GSAP: variants seen among roughly 807,000 people sequenced by gnomAD.
GSAP encodes gamma-secretase activating protein.
In GSAP, 118 loss-of-function variants were observed where a neutral mutation model predicts 131.7. The ratio of observed to expected loss-of-function variants is 0.90; its 90% CI spans 0.77 to 1.04. GSAP has a LOEUF of 1.04. GSAP is among the 50% of genes least tolerant of loss of function. The probability of loss-of-function intolerance (pLI) is 0.00; values close to 1 mark genes in which losing one functional copy is unlikely to be tolerated. For synonymous variants in GSAP, 381 were observed against 363.4 expected (o/e 1.05, Z -0.55); for missense variants, 1,019 against 1,013.2 (o/e 1.01, Z -0.08).
intron 2 of GSAP, among the ~76,000 whole-genome samples, chr7:77,405,361 T>A (rs1802082868): frequency 6.6e-6 from 1 of 152,230 alleles, no homozygotes; most frequent in South Asian, 2.1e-4. Flanking sequence ...AAGAGAGTAA[T>A]CATATTTAAT....
chr7:77,317,789 ATTTTTT>A (rs2150600146), intron 26 of GSAP, among the ~76,000 whole-genome samples: 1 of 152,336 alleles, frequency 6.6e-6, no homozygotes, highest in Admixed American at 6.5e-5. Flanking sequence ...TCCCTACCAA[ATTTTTT>A]GTGTTAACAA....
intron 19 of GSAP, among the ~76,000 whole-genome samples, chr7:77,336,796 CTTAT>C (rs1790050825): frequency 2.0e-5 from 3 of 152,158 alleles, no homozygotes; most frequent in African/African-American, 7.2e-5. Context: ...CCAGTATCAT[CTTAT>C]TTTTTTAAAT....
In GSAP at chr7:77,349,345, A is replaced by C; in HGVS notation, c.1545+6T>G. 6.2e-7 allele frequency: 1 copy of C among 1,601,246 alleles called. No individual in the cohort carries two copies. The highest frequency in any genetic ancestry group is 8.6e-7 in the Non-Finnish European group (1 of 1,168,494). ...GTACTTTTGTTTCTTGCTGTAAGGG[A>C]CCTACCTTCATAAGAGGCAATGCAA... On this transcript the variant is annotated splice_donor_region_variant and intron_variant, in intron 19 of 30. Coordinates refer to ENST00000257626, the MANE Select transcript of GSAP (RefSeq NM_017439.4).
intron 4 of GSAP, 63 bp from the exon 5 acceptor site, chr7:77,397,098 C>T (rs1271938084): frequency 9.3e-7 from 1 of 1,073,252 alleles, no homozygotes; most frequent in Admixed American, 2.1e-5. Flanking sequence ...TTAAAGTTTA[C>T]CAGTTTAAAC....
intron 5 of GSAP, among the ~76,000 whole-genome samples, chr7:77,391,277 A>C (rs959502286): frequency 9.9e-5 from 15 of 152,102 alleles, no homozygotes; most frequent in Non-Finnish European, 2.1e-4. Flanking sequence ...GGCAGAAAAC[A>C]CCTTTCTACA....
At chr7:77,317,781 C>T (rs76238093) in intron 26 of GSAP, among the ~76,000 whole-genome samples, 12,368 of 152,224 alleles carry the variant, frequency 0.081, 721 homozygotes, top group Non-Finnish European at 0.11. Context: ...AATCCATTTC[C>T]CTACCAAATT....
intron 18 of GSAP, 52 bp from the exon 19 acceptor site, chr7:77,349,456 C>G: frequency 6.8e-7 from 1 of 1,464,210 alleles, no homozygotes. Context: ...TGAACTACCA[C>G]TAGCTCAAGC....
chr7:77,320,459 G>A (rs534117141), intron 26 of GSAP, among the ~76,000 whole-genome samples: 2 of 152,258 alleles, frequency 1.3e-5, no homozygotes, highest in Admixed American at 1.3e-4. Flanking sequence ...CCCTGAATTA[G>A]TTCTACTAGT....
chr7:77,403,501 C>T (rs1350523717), intron 3 of GSAP, among the ~76,000 whole-genome samples: 4 of 152,168 alleles, frequency 2.6e-5, no homozygotes, highest in African/African-American at 9.7e-5. Flanking sequence ...AAATTACTCC[C>T]TCCCATTTGC....
At chr7:77,342,653 C>T (rs1489099827) in intron 19 of GSAP, among the ~76,000 whole-genome samples, 3 of 152,112 alleles carry the variant, frequency 2.0e-5, no homozygotes, top group African/African-American at 7.2e-5. Context: ...CCATTAAAAC[C>T]TAATCACCCT....
intron 7 of GSAP, 111 bp from the exon 8 acceptor site, chr7:77,381,465 C>G (rs1031008318): frequency 1.5e-5 from 8 of 523,708 alleles, no homozygotes; most frequent in Non-Finnish European, 2.7e-5. Flanking sequence ...GATTGAACAA[C>G]TGGCCAGAAA....
intron 18 of GSAP, chr7:77,351,245 A>G (rs946480310): frequency 3.1e-6 from 3 of 976,126 alleles, no homozygotes; most frequent in African/African-American, 1.8e-5. Context: ...TTAAAATTTC[A>G]TTACAGTTTT....
rs1794271991 is a variant in GSAP, at chr7:77,310,778, C to A, written c.*580G>T. On this transcript the variant is annotated 3_prime_UTR_variant, in exon 31 of 31. Transcript: ENST00000257626. ...TGTTTTCAGGTTTTTTAATGACTGACAAAATATTCCTAAATCAACCTTTTA... is the reference window on the plus strand; with the variant it reads ...TGTTTTCAGGTTTTTTAATGACTGAAAAAATATTCCTAAATCAACCTTTTA... The A allele has an allele frequency of 1.3e-5, 2 of 151,988 alleles. No individual in the cohort carries two copies. The highest frequency in any genetic ancestry group is 6.6e-5 in the Admixed American group (1 of 15,264). The allele number at this position is 151,988 out of a possible 1,614,324, so 9.4% of individuals were successfully genotyped here. A position where few individuals can be genotyped will look rare whatever the true frequency, so the allele number is the denominator to read the frequency against.
intron 24 of GSAP, among the ~76,000 whole-genome samples, chr7:77,321,831 T>C (rs1022184607): frequency 6.6e-6 from 1 of 152,180 alleles, no homozygotes; most frequent in African/African-American, 2.4e-5. Flanking sequence ...TGGTATCAAG[T>C]CCAGATTCTA....
intron 6 of GSAP, among the ~76,000 whole-genome samples, chr7:77,384,614 T>C (rs1798275243): frequency 6.6e-6 from 1 of 152,030 alleles, no homozygotes; most frequent in Non-Finnish European, 1.5e-5. Context: ...ACTGGAACTA[T>C]CTTGAAGACA....
intron 19 of GSAP, among the ~76,000 whole-genome samples, chr7:77,346,888 T>A (rs1334040803): frequency 6.6e-6 from 1 of 151,704 alleles, no homozygotes. Context: ...TCTCCTGCCT[T>A]CCTTTCACCT....
chr7:77,325,504 T>G (rs1020756746), intron 23 of GSAP, among the ~76,000 whole-genome samples: 1 of 152,228 alleles, frequency 6.6e-6, no homozygotes, highest in Non-Finnish European at 1.5e-5. Context: ...TGATTCATAT[T>G]TTTTTGGTCA....
intron 6 of GSAP, among the ~76,000 whole-genome samples, chr7:77,384,291 C>T (rs1290043846): frequency 6.6e-6 from 1 of 152,154 alleles, no homozygotes; most frequent in Admixed American, 6.5e-5. Flanking sequence ...AACTGCCAAC[C>T]TCTAAACCTC....
At chr7:77,357,535 G>T (rs1484897627) in intron 14 of GSAP, among the ~76,000 whole-genome samples, 1 of 152,186 alleles carries the variant, frequency 6.6e-6, no homozygotes, top group African/African-American at 2.4e-5. Context: ...CTAGTCAGGG[G>T]TGTCCAATCT....
Sources: allele counts gnomAD v4.1 joint callset (sites outside exome capture counted in the v4.1 genomes callset), GRCh38; gene constraint gnomAD v4.1.1; transcripts MANE v1.5; gene names NCBI Gene and HGNC (gene_info 2026-07-23, HGNC 2026-07-21).